TRIO: variants seen among roughly 807,000 people sequenced by gnomAD.
TRIO encodes trio Rho guanine nucleotide exchange factor.
A neutral mutation model predicts 351.9 loss-of-function variants in TRIO; 58 were observed. That is an observed-to-expected ratio of 0.16 (90% confidence interval 0.13 to 0.21). The LOEUF is 0.21. TRIO is among the 10% of genes least tolerant of loss of function. The pLI is 1.00. For synonymous variants in TRIO, 1,758 were observed against 1,595.7 expected (o/e 1.10, Z -2.42); for missense variants, 3,201 against 4,027.8 (o/e 0.79, Z 5.56).
At chr5:14,463,889 AACCCAAG>A in intron 36 of TRIO, among the ~76,000 whole-genome samples, 3 of 151,994 alleles carry the variant, frequency 2.0e-5, no homozygotes, top group Admixed American at 1.3e-4. Flanking sequence ...CACTCCTCTT[AACCCAAG>A]GCAGACCTGT....
chr5:14,424,367 T>C (rs1750460041), intron 34 of TRIO, among the ~76,000 whole-genome samples: 1 of 152,170 alleles, frequency 6.6e-6, no homozygotes, highest in Admixed American at 6.5e-5. Context: ...TTTACCACTC[T>C]AAAAGGCATT....
At chr5:14,174,361 G>A (rs1365652454) in intron 1 of TRIO, among the ~76,000 whole-genome samples, 2 of 152,200 alleles carry the variant, frequency 1.3e-5, no homozygotes, top group Admixed American at 6.5e-5. Context: ...GAACTGCTGC[G>A]AGTGGGAACA....
intron 1 of TRIO, among the ~76,000 whole-genome samples, chr5:14,224,586 G>A (rs1020852217): frequency 2.6e-5 from 4 of 152,092 alleles, no homozygotes; most frequent in African/African-American, 9.7e-5. Flanking sequence ...TCATGAATGA[G>A]TTACGAGGGA....
chr5:14,270,988 A>C (rs759089969), intron 2 of TRIO, 89 bp downstream of exon 2: 4 of 890,112 alleles, frequency 4.5e-6, no homozygotes, highest in Non-Finnish European at 7.2e-6. Context: ...CTGCCACAAC[A>C]TATAAAAACA....
rs544793315 is a variant in TRIO at position 14,493,139 on chromosome 5, G to GA, written c.7880+329dup. Among the ~76,000 whole-genome samples the GA allele has an allele frequency of 2.2e-4, 33 of 152,268 alleles. No homozygotes were observed. The South Asian group carries it at 5.0e-3, about 23-fold the overall frequency. The stretch of plus-strand genomic sequence containing the variant: ...TTTGTTTGTTTAAGAAACCTAAGGG[G>GA]AAAATATCCCCTATCTTTGTTTCTT... On this transcript the variant is annotated intron_variant, in intron 49 of 56. Coordinates refer to ENST00000344204, the MANE Select transcript of TRIO (RefSeq NM_007118.4).
intron 1 of TRIO, among the ~76,000 whole-genome samples, chr5:14,267,254 T>C (rs1430758761): frequency 1.3e-5 from 2 of 152,150 alleles, no homozygotes; most frequent in Non-Finnish European, 2.9e-5. Context: ...CCTATTTAAG[T>C]AGCATTGACA....
intron 1 of TRIO, among the ~76,000 whole-genome samples, chr5:14,198,937 A>G (rs1205268313): frequency 6.6e-6 from 1 of 152,100 alleles, no homozygotes; most frequent in Non-Finnish European, 1.5e-5. Flanking sequence ...GAAAAATCTT[A>G]TCTTAAAAGT....
At chr5:14,421,242 T>TTTA in intron 34 of TRIO, among the ~76,000 whole-genome samples, 2 of 125,866 alleles carry the variant, frequency 1.6e-5, no homozygotes, top group African/African-American at 8.6e-5. Flanking sequence ...TTTTATTTTA[T>TTTA]TTTATTTTAT....
chr5:14,414,387 T>C (rs777042157), intron 33 of TRIO, among the ~76,000 whole-genome samples: 8 of 152,244 alleles, frequency 5.3e-5, no homozygotes, highest in Non-Finnish European at 8.8e-5. Flanking sequence ...ATCTTTTAAA[T>C]GCAGCCGTTT....
chr5:14,410,842 G>A (rs982745682), intron 33 of TRIO, among the ~76,000 whole-genome samples: 2 of 152,174 alleles, frequency 1.3e-5, no homozygotes, highest in African/African-American at 2.4e-5. Context: ...GCCAGGCCAC[G>A]GCCATGAGCC....
intron 21 of TRIO, among the ~76,000 whole-genome samples, chr5:14,385,710 T>C (rs773799326): frequency 9.2e-5 from 14 of 152,230 alleles, no homozygotes; most frequent in Non-Finnish European, 1.9e-4. Flanking sequence ...ATCCTGTAAA[T>C]GTATTTTAAA....
chr5:14,230,642 T>C (rs1793358865), intron 1 of TRIO, among the ~76,000 whole-genome samples: 1 of 152,138 alleles, frequency 6.6e-6, no homozygotes, highest in Non-Finnish European at 1.5e-5. Flanking sequence ...CTCATATACA[T>C]ATATATTCAT....
rs760846209 is a variant in TRIO, at chr5:14,297,140, C to G, written c.1245C>G (p.Ala415=). ...ANRLVESGHY[A]SQQIRQIASQ... ...GTCTGGTGGAGTCTGGCCACTATGC[C>G]TCGCAGCAGATCAGGCAGATCGCGA... The change falls in exon 7 of 57, where the codon GCC becomes GCG. Residue 415 remains alanine (A), a synonymous_variant. Transcript: ENST00000344204. 1.9e-6 allele frequency: 3 copies of G among 1,614,188 alleles called. No homozygotes were observed. Among genetic ancestry groups the G allele is most frequent in the Admixed American group, 3.3e-5 (2 of 60,030 alleles).
In TRIO at chr5:14,228,018, T is replaced by TG. The variant is rs543760150; in HGVS notation, c.158-42801dup. ...CTATGAGCATTTGTATCTGAGCTTT[T>TG]GGGGGGATTCAGAGGGAGGGTGTGG... On this transcript the variant is annotated intron_variant, in intron 1 of 56. Coordinates refer to ENST00000344204, the MANE Select transcript of TRIO (RefSeq NM_007118.4). 3.6e-4 allele frequency among the ~76,000 whole-genome samples: 55 copies of TG among 151,958 alleles called. No individual in the cohort carries two copies. In the East Asian group the frequency reaches 0.01, roughly 28 times the overall value.
chr5:14,352,809 C>G (rs951716714), intron 11 of TRIO, among the ~76,000 whole-genome samples: 1 of 152,124 alleles, frequency 6.6e-6, no homozygotes, highest in Admixed American at 6.5e-5. Context: ...GCGCTGGTTT[C>G]ACCAGCCAGC....
intron 1 of TRIO, among the ~76,000 whole-genome samples, chr5:14,218,221 C>G (rs937550254): frequency 6.6e-6 from 1 of 152,158 alleles, no homozygotes; most frequent in African/African-American, 2.4e-5. Context: ...GCCTGGACCC[C>G]CTTTGGCAGG....
intron 34 of TRIO, among the ~76,000 whole-genome samples, chr5:14,435,856 A>G (rs1191631363): frequency 1.3e-5 from 2 of 152,106 alleles, no homozygotes; most frequent in Non-Finnish European, 2.9e-5. Context: ...CCAGGCTCAT[A>G]TTGTATTTTG....
At chr5:14,190,477 A>G (rs1238244347) in intron 1 of TRIO, among the ~76,000 whole-genome samples, 2 of 152,238 alleles carry the variant, frequency 1.3e-5, no homozygotes, top group African/African-American at 4.8e-5. Context: ...AGATAAGTCT[A>G]TTCCTGTAAA....
intron 21 of TRIO, among the ~76,000 whole-genome samples, chr5:14,385,267 C>G (rs776931977): frequency 6.6e-6 from 1 of 152,226 alleles, no homozygotes; most frequent in African/African-American, 2.4e-5. Context: ...CACTCAGGCA[C>G]GTGTCTAACC....
Sources: gnomAD v4.1 joint callset for allele counts (sites outside exome capture counted in the v4.1 genomes callset) on GRCh38, gnomAD v4.1.1 for gene constraint, MANE v1.5 for transcripts, NCBI Gene and HGNC (gene_info 2026-07-23, HGNC 2026-07-21) for gene names.